WNT2B: variants seen among roughly 807,000 people sequenced by gnomAD.
WNT2B encodes the protein Wnt family member 2B.
A neutral mutation model predicts 40.5 loss-of-function variants in WNT2B; 19 were observed. That is an observed-to-expected ratio of 0.47 (90% CI 0.33 to 0.69). The LOEUF (loss-of-function observed/expected upper bound fraction) is 0.69, where lower values mean the gene tolerates loss of function less well. Among genes scored for constraint, WNT2B ranks in the 30% least tolerant of loss-of-function variants. The pLI is 0.02. For synonymous variants in WNT2B, 220 were observed against 211.9 expected, an observed-to-expected ratio of 1.04 and a Z score of -0.33; for missense variants, 467 against 556.4, an observed-to-expected ratio of 0.84 and a Z score of 1.62.
Position 112,523,376 on chromosome 1 carries a change from C to A in WNT2B, c.*2867C>A, listed in dbSNP as rs1294857308. 1 of 152,182 alleles carries A rather than the reference C, an allele frequency of 6.6e-6. No homozygotes were observed. The highest frequency in any genetic ancestry group is 2.4e-5 in the African/African-American group (1 of 41,444). 9.4% of individuals were successfully genotyped at this position (152,182 alleles called of 1,614,324 possible). A position where few individuals can be genotyped will look rare whatever the true frequency, so the allele number is the denominator to read the frequency against. On this transcript the variant is annotated 3_prime_UTR_variant, in exon 5 of 5. Coordinates refer to ENST00000369684, the MANE Select transcript of WNT2B (RefSeq NM_024494.3). ...AAGAGAGAAATGATGTCCATTTGAG[C>A]CCCACCACGGAGGTTATGTGGTCCC...
chr1:112,485,632 G>A (rs909476469), intron 1 of WNT2B, among the ~76,000 whole-genome samples: 2 of 152,132 alleles, frequency 1.3e-5, no homozygotes, highest in African/African-American at 2.4e-5. Flanking sequence ...TGGAGAAAGC[G>A]TAATCTTTTC....
intron 1 of WNT2B, among the ~76,000 whole-genome samples, chr1:112,492,495 A>G (rs148563004): frequency 2.0e-5 from 3 of 152,214 alleles, no homozygotes; most frequent in Non-Finnish European, 2.9e-5. Context: ...AGGACCTCAC[A>G]TATTGTGAGT....
chr1:112,502,240 C>A (rs1200842226), intron 1 of WNT2B, among the ~76,000 whole-genome samples: 3 of 152,126 alleles, frequency 2.0e-5, no homozygotes, highest in African/African-American at 7.2e-5. Flanking sequence ...CTCAGGAGCG[C>A]GTCCCCGTGC....
At chr1:112,475,052 C>G (rs138390154) in intron 1 of WNT2B, among the ~76,000 whole-genome samples, 1 of 152,262 alleles carries the variant, frequency 6.6e-6, no homozygotes, top group African/African-American at 2.4e-5. Context: ...AACCATGAGA[C>G]AGTTAAACCT....
intron 1 of WNT2B, among the ~76,000 whole-genome samples, chr1:112,484,240 T>C (rs1191090963): frequency 7.3e-6 from 1 of 137,152 alleles, no homozygotes; most frequent in Non-Finnish European, 1.5e-5. Context: ...TACACATATA[T>C]ATACACATAT....
chr1:112,480,317 A>G lies in WNT2B; in HGVS notation c.-95+12726A>G, dbSNP rs193122388. Among the ~76,000 whole-genome samples, 26 of 151,420 alleles carry G rather than the reference A, an allele frequency of 1.7e-4. 1 individual carries two copies. In the East Asian group the frequency reaches 4.7e-3, roughly 27 times the overall value. The stretch of plus-strand genomic sequence containing the variant: ...GGGAGGTGGAAGTTGCAGCCAGTCA[A>G]TATCACACCACTGCACTCAGCCTGG... On this transcript the variant is annotated intron_variant, in intron 1 of 4. Transcript: ENST00000256640.
chr1:112,517,478 G>C, intron 4 of WNT2B, 93 bp downstream of exon 4: 1 of 1,464,740 alleles, frequency 6.8e-7, no homozygotes, highest in East Asian at 2.4e-5. Flanking sequence ...AGGAGTTAGG[G>C]AAGGGGGTGC....
intron 1 of WNT2B, among the ~76,000 whole-genome samples, chr1:112,496,098 T>A (rs528844484): frequency 6.6e-6 from 1 of 152,264 alleles, no homozygotes; most frequent in African/African-American, 2.4e-5. Flanking sequence ...ATGAATTCCA[T>A]GGGGGATGGA....
At chr1:112,518,824 G>GC (rs1652704530) in intron 4 of WNT2B, among the ~76,000 whole-genome samples, 1 of 152,190 alleles carries the variant, frequency 6.6e-6, no homozygotes, top group African/African-American at 2.4e-5. Flanking sequence ...AGAATATGGA[G>GC]CCAGGAATTC....
chr1:112,474,006 A>G (rs1178360181), intron 1 of WNT2B, among the ~76,000 whole-genome samples: 1 of 148,072 alleles, frequency 6.8e-6, no homozygotes, highest in Admixed American at 6.7e-5. Context: ...CAGAGCTTGC[A>G]GTGAGCCAAG....
chr1:112,518,633 C>T (rs1308048978), intron 4 of WNT2B, among the ~76,000 whole-genome samples: 1 of 152,126 alleles, frequency 6.6e-6, no homozygotes, highest in Non-Finnish European at 1.5e-5. Flanking sequence ...AGAAATAATT[C>T]CATAACATCT....
rs1652821242 is a variant in WNT2B at position 112,520,610 on chromosome 1, T to A, written c.*101T>A. ...TCCTCCACCCTCCACCCTGGGCTGC[T>A]ACCGCTTCTATTTAAGGATGTAGAG... On this transcript the variant is annotated 3_prime_UTR_variant, in exon 5 of 5. Coordinates refer to ENST00000369684, the MANE Select transcript of WNT2B (RefSeq NM_024494.3). 3 of 1,203,122 alleles carry A rather than the reference T, an allele frequency of 2.5e-6. No individual in the cohort carries two copies. The highest frequency in any genetic ancestry group is 2.4e-6 in the Non-Finnish European group (2 of 842,896). 74.5% of individuals were successfully genotyped at this position (1,203,122 alleles called of 1,614,324 possible).
chr1:112,510,605 G>C (rs553273976), intron 1 of WNT2B, among the ~76,000 whole-genome samples: 1 of 152,234 alleles, frequency 6.6e-6, no homozygotes, highest in Non-Finnish European at 1.5e-5. Context: ...GGGCCCGCCA[G>C]CTTGGGCTGC....
rs915809611 is a variant in WNT2B at position 112,526,942 on chromosome 1, C to G, written c.*6433C>G. Reference sequence around the variant, plus strand: ...GCTGATGCAAGCAATTTGTGTACACCAAGGCAAGGGGTCTCAATCCTGCAG... The same window carrying G: ...GCTGATGCAAGCAATTTGTGTACACGAAGGCAAGGGGTCTCAATCCTGCAG... On this transcript the variant is annotated 3_prime_UTR_variant, in exon 5 of 5. Coordinates refer to ENST00000369684, the MANE Select transcript of WNT2B (RefSeq NM_024494.3). 1 of 152,114 alleles carries G rather than the reference C, an allele frequency of 6.6e-6. No homozygotes were observed. The highest frequency in any genetic ancestry group is 2.4e-5 in the African/African-American group (1 of 41,400). The allele number at this position is 152,114 out of a possible 1,614,324, so 9.4% of individuals were successfully genotyped here.
chr1:112,491,967 C>A lies in WNT2B; in HGVS notation c.-94-22907C>A, dbSNP rs144762724. On this transcript the variant is annotated intron_variant, in intron 1 of 4. Coordinates refer to the WNT2B transcript ENST00000256640. ...GGAAAATTTAGGATATGAGTTTCAT[C>A]ATCATGGGAGTGAGAACAACTTCCT... 7.4e-3 allele frequency among the ~76,000 whole-genome samples: 1,119 copies of A among 152,158 alleles called. 8 individuals are homozygous for A. Among genetic ancestry groups the A allele is most frequent in the African/African-American group, 0.026 (1,067 of 41,492 alleles).
intron 1 of WNT2B, among the ~76,000 whole-genome samples, chr1:112,514,016 T>C (rs1416284643): frequency 6.6e-6 from 1 of 152,190 alleles, no homozygotes; most frequent in African/African-American, 2.4e-5. Context: ...AATATTGCCT[T>C]GAGAAACAAT....
upstream of WNT2B, among the ~76,000 whole-genome samples, chr1:112,506,052 G>C (rs992571500): frequency 1.3e-5 from 2 of 152,102 alleles, no homozygotes; most frequent in Admixed American, 1.3e-4. Context: ...CTGTTGCCCA[G>C]GCTGGGTGCA....
rs574818017 is a variant in WNT2B, at chr1:112,500,718, A to AGT, written c.-94-14156_-94-14155insGT. Reference sequence around the variant, plus strand: ...GCCCAGGAGTTCAGGGCAAGCCATGATCGTGCCACTACACTCCAGCTTGGG... The same window carrying AGT: ...GCCCAGGAGTTCAGGGCAAGCCATGAGTTCGTGCCACTACACTCCAGCTTGGG... On this transcript the variant is annotated intron_variant, in intron 1 of 4. Coordinates refer to the WNT2B transcript ENST00000256640. Among the ~76,000 whole-genome samples, 402 of 152,324 alleles carry AGT rather than the reference A, an allele frequency of 2.6e-3. 5 individuals are homozygous for AGT. The highest frequency in any genetic ancestry group is 9.0e-3 in the African/African-American group (375 of 41,574).
intron 1 of WNT2B, among the ~76,000 whole-genome samples, chr1:112,503,444 GGAGAGGTATGAGAC>G (rs1382327067): frequency 6.6e-6 from 1 of 152,146 alleles, no homozygotes; most frequent in East Asian, 1.9e-4. Flanking sequence ...GAGCTGCAAG[GGAGAGGTATGAGAC>G]AGAGAGAGGG....
Sources: allele counts gnomAD v4.1 joint callset (sites outside exome capture counted in the v4.1 genomes callset), GRCh38; gene constraint gnomAD v4.1.1; transcripts MANE v1.5; gene names NCBI Gene and HGNC (gene_info 2026-07-23, HGNC 2026-07-21).